Variants in PRDM5 observed in about 807,000 individuals in gnomAD.
PRDM5 encodes the protein PR/SET domain 5, also known as PR domain zinc finger protein 5.
In PRDM5, 56 loss-of-function variants were observed where a neutral mutation model predicts 81.2. That is an observed-to-expected ratio of 0.69 (90% CI 0.56 to 0.86). The LOEUF (loss-of-function observed/expected upper bound fraction) is 0.86, where lower values mean the gene tolerates loss of function less well. Ranked by LOEUF, PRDM5 falls within the 40% of genes least tolerant of loss-of-function variation. PRDM5 has a pLI of 0.00. For synonymous variants in PRDM5, 267 were observed against 256.4 expected (o/e 1.04, Z -0.39); for missense variants, 697 against 770.1 (o/e 0.91, Z 1.12).
chr4:120,886,953 T>G (rs1763506414), intron 2 of PRDM5, among the ~76,000 whole-genome samples: 1 of 152,006 alleles, frequency 6.6e-6, no homozygotes, highest in Non-Finnish European at 1.5e-5. Flanking sequence ...CTTTCTTTTT[T>G]TTTTTTTTAT....
At chr4:120,792,982 T>G (rs1251604472) in intron 10 of PRDM5, among the ~76,000 whole-genome samples, 1 of 152,046 alleles carries the variant, frequency 6.6e-6, no homozygotes, top group African/African-American at 2.4e-5. Context: ...TTACACAGGA[T>G]AAGTAAGTTC....
At chr4:120,773,497 C>T (rs1224229133) in intron 13 of PRDM5, among the ~76,000 whole-genome samples, 1 of 152,194 alleles carries the variant, frequency 6.6e-6, no homozygotes, top group East Asian at 1.9e-4. Flanking sequence ...ACTTAGTGAG[C>T]CAATATTTTC....
intron 2 of PRDM5, among the ~76,000 whole-genome samples, chr4:120,876,230 T>G (rs1762320860): frequency 6.6e-6 from 1 of 152,218 alleles, no homozygotes; most frequent in Non-Finnish European, 1.5e-5. Flanking sequence ...ACCTTCCATC[T>G]GTTTTCAGAT....
chr4:120,801,573 TCTGA>T (rs1752124624), intron 8 of PRDM5, among the ~76,000 whole-genome samples: 1 of 152,062 alleles, frequency 6.6e-6, no homozygotes, highest in Non-Finnish European at 1.5e-5. Context: ...TCCACAAGAG[TCTGA>T]CTTATCTCCC....
At chr4:120,848,832 G>A (rs1164400740) in intron 3 of PRDM5, among the ~76,000 whole-genome samples, 1 of 152,078 alleles carries the variant, frequency 6.6e-6, no homozygotes, top group Non-Finnish European at 1.5e-5. Flanking sequence ...TTTTACTTTA[G>A]TTTAAAATGT....
intron 3 of PRDM5, among the ~76,000 whole-genome samples, chr4:120,831,372 A>T (rs1450461): frequency 0.053 from 8,040 of 152,128 alleles, 342 homozygotes; most frequent in Middle Eastern, 0.15. Context: ...TTGCCCACAC[A>T]TTCTGTTCCT....
intron 7 of PRDM5, among the ~76,000 whole-genome samples, chr4:120,815,100 C>T (rs1349251016): frequency 6.6e-6 from 1 of 152,116 alleles, no homozygotes; most frequent in Non-Finnish European, 1.5e-5. Flanking sequence ...CTTAGTTCAG[C>T]AAACTTAAGC....
At chr4:120,702,203 T>C (rs1250829171) in intron 15 of PRDM5, among the ~76,000 whole-genome samples, 1 of 152,224 alleles carries the variant, frequency 6.6e-6, no homozygotes, top group African/African-American at 2.4e-5. Flanking sequence ...ACATAACAGT[T>C]GAAATGACTT....
At chr4:120,892,971 G>C (rs941340557) in intron 2 of PRDM5, among the ~76,000 whole-genome samples, 54 of 152,310 alleles carry the variant, frequency 3.5e-4, no homozygotes, top group Non-Finnish European at 3.8e-4. Context: ...TCCAGTGAAG[G>C]GGGAGTAGAG....
At chr4:120,880,456 G>A (rs928958278) in intron 2 of PRDM5, among the ~76,000 whole-genome samples, 18 of 151,384 alleles carry the variant, frequency 1.2e-4, no homozygotes, top group African/African-American at 3.9e-4. Flanking sequence ...CAGAGCAAAG[G>A]GAAATATACA....
At chr4:120,879,637 A>G (rs1278587318) in intron 2 of PRDM5, among the ~76,000 whole-genome samples, 2 of 152,210 alleles carry the variant, frequency 1.3e-5, no homozygotes, top group Non-Finnish European at 2.9e-5. Context: ...CATAATACAC[A>G]TAACATACAA....
At chr4:120,774,002 G>A (rs1747692764) in intron 13 of PRDM5, among the ~76,000 whole-genome samples, 1 of 152,134 alleles carries the variant, frequency 6.6e-6, no homozygotes, top group African/African-American at 2.4e-5. Flanking sequence ...GTTACTTTTA[G>A]TAAATTAACA....
chr4:120,869,092 T>A (rs978639686), intron 2 of PRDM5, among the ~76,000 whole-genome samples: 6 of 151,776 alleles, frequency 4.0e-5, no homozygotes, highest in African/African-American at 1.2e-4. Context: ...GCCTGACAGA[T>A]TTTTTTTAAA....
At chr4:120,839,314 G>A in intron 3 of PRDM5, 1 of 702,890 alleles carries the variant, frequency 1.4e-6, no homozygotes, top group Non-Finnish European at 2.6e-6. Flanking sequence ...CAAGTAGAAG[G>A]TAAGCAAGAT....
intron 2 of PRDM5, chr4:120,897,017 A>G (rs911301125): frequency 6.8e-6 from 1 of 147,736 alleles, no homozygotes; most frequent in African/African-American, 2.5e-5. Flanking sequence ...TCCTCCTTTC[A>G]GTAAATCCAA....
chr4:120,802,348 C>T (rs376281197), intron 8 of PRDM5, among the ~76,000 whole-genome samples: 4 of 152,340 alleles, frequency 2.6e-5, no homozygotes, highest in South Asian at 4.1e-4. Context: ...TGGGTGATTT[C>T]TGCATTTCCA....
intron 2 of PRDM5, among the ~76,000 whole-genome samples, chr4:120,874,897 A>AG (rs1027233550): frequency 6.6e-6 from 1 of 152,220 alleles, no homozygotes; most frequent in African/African-American, 2.4e-5. Context: ...GCCACTGCTC[A>AG]GGAAGCAATT....
chr4:120,769,199 A>G (rs1746868262), intron 13 of PRDM5, among the ~76,000 whole-genome samples: 1 of 152,214 alleles, frequency 6.6e-6, no homozygotes, highest in African/African-American at 2.4e-5. Context: ...ATAAGCATTC[A>G]CAAGTTCTCT....
chr4:120,819,847 C>T (rs530216779), intron 4 of PRDM5, among the ~76,000 whole-genome samples: 18 of 152,298 alleles, frequency 1.2e-4, no homozygotes, highest in African/African-American at 4.1e-4. Flanking sequence ...ATAAGCCTGT[C>T]CTTATCTTCC....
Sources: gnomAD v4.1 joint callset for allele counts (sites outside exome capture counted in the v4.1 genomes callset) on GRCh38, gnomAD v4.1.1 for gene constraint, MANE v1.5 for transcripts, NCBI Gene and HGNC (gene_info 2026-07-23, HGNC 2026-07-21) for gene names.